The following DPP6 variants were observed in gnomAD, a reference collection of about 807,000 sequenced individuals.
The protein encoded by DPP6 is dipeptidyl peptidase like 6.
A neutral mutation model predicts 122.6 loss-of-function variants in DPP6; 69 were observed. The ratio of observed to expected loss-of-function variants is 0.56; its 90% CI spans 0.46 to 0.69. The LOEUF (loss-of-function observed/expected upper bound fraction) is 0.69. Ranked by LOEUF, DPP6 falls within the 30% of genes least tolerant of loss-of-function variation. The pLI, the probability that DPP6 is intolerant of heterozygous loss-of-function variation, is 0.00. For missense variants in DPP6, 928 were observed against 1,116.9 expected, an observed-to-expected ratio of 0.83 and a Z score of 2.41; for synonymous variants, 418 against 433.1, an observed-to-expected ratio of 0.97 and a Z score of 0.43.
intron 7 of DPP6, among the ~76,000 whole-genome samples, chr7:154,723,303 T>C (rs1352603586): frequency 6.6e-6 from 1 of 152,178 alleles, no homozygotes; most frequent in Admixed American, 6.5e-5. Flanking sequence ...AAATACACTC[T>C]TCTTTATAGC....
chr7:154,246,440 C>T (rs946213778), intron 1 of DPP6, among the ~76,000 whole-genome samples: 8 of 151,828 alleles, frequency 5.3e-5, no homozygotes, highest in South Asian at 2.1e-4. Context: ...TGAAGAGATT[C>T]GATATTATCA....
At chr7:154,306,067 C>G (rs551004256) in intron 1 of DPP6, among the ~76,000 whole-genome samples, 2 of 152,278 alleles carry the variant, frequency 1.3e-5, no homozygotes, top group East Asian at 3.9e-4. Context: ...ACCTCGTGGC[C>G]CTTTCCTCCT....
At chr7:154,501,896 A>G (rs1395348047) in intron 3 of DPP6, among the ~76,000 whole-genome samples, 2 of 152,064 alleles carry the variant, frequency 1.3e-5, no homozygotes, top group Admixed American at 6.5e-5. Flanking sequence ...ACTCAAGGCC[A>G]GTCCATGAAA....
intron 5 of DPP6, chr7:154,587,884 C>T: frequency 6.2e-7 from 1 of 1,612,882 alleles, no homozygotes; most frequent in Non-Finnish European, 8.5e-7. Flanking sequence ...TCCATGGAGA[C>T]CCTGGCTGGA....
At chr7:154,293,852 G>A (rs1172022500) in intron 1 of DPP6, among the ~76,000 whole-genome samples, 1 of 152,116 alleles carries the variant, frequency 6.6e-6, no homozygotes, top group Non-Finnish European at 1.5e-5. Flanking sequence ...GTGACACTCA[G>A]GTTTTCCAAA....
chr7:154,525,406 C>A (rs1187758092), intron 3 of DPP6, among the ~76,000 whole-genome samples: 1 of 152,202 alleles, frequency 6.6e-6, no homozygotes, highest in Admixed American at 6.5e-5. Flanking sequence ...TATTCTCCTA[C>A]CTTGGCCTCC....
chr7:154,790,184 C>T (rs1029695012), intron 10 of DPP6, among the ~76,000 whole-genome samples: 12 of 152,104 alleles, frequency 7.9e-5, no homozygotes, highest in Admixed American at 5.9e-4. Context: ...GGCAACAGAG[C>T]GAGACTCCGT....
chr7:154,522,967 C>A (rs1563800590), intron 3 of DPP6, among the ~76,000 whole-genome samples: 1 of 152,170 alleles, frequency 6.6e-6, no homozygotes, highest in Non-Finnish European at 1.5e-5. Context: ...CCCCAAAACC[C>A]ACCTCTGGGG....
At chr7:153,888,672 T>A (rs1334134304) in intron 1 of DPP6, among the ~76,000 whole-genome samples, 1 of 151,376 alleles carries the variant, frequency 6.6e-6, no homozygotes, top group East Asian at 2.0e-4. Context: ...AAGAATCCTC[T>A]GACGGTCCCT....
chr7:154,488,440 G>A (rs1007465574), intron 3 of DPP6, among the ~76,000 whole-genome samples: 4 of 149,676 alleles, frequency 2.7e-5, no homozygotes, highest in African/African-American at 5.1e-5. Flanking sequence ...TTGATAGAGC[G>A]AGACTCTGTC....
At chr7:154,512,859 C>T (rs1826197153) in intron 3 of DPP6, among the ~76,000 whole-genome samples, 1 of 152,080 alleles carries the variant, frequency 6.6e-6, no homozygotes, top group Non-Finnish European at 1.5e-5. Context: ...AGAATTCAGT[C>T]ATTAGACTAG....
intron 1 of DPP6, among the ~76,000 whole-genome samples, chr7:153,967,076 C>T (rs765046170): frequency 6.1e-5 from 9 of 146,834 alleles, no homozygotes; most frequent in Non-Finnish European, 1.0e-4. Context: ...CACAAACAAA[C>T]AAACAAACAC....
intron 1 of DPP6, among the ~76,000 whole-genome samples, chr7:153,962,090 G>C (rs997850240): frequency 6.6e-6 from 1 of 150,860 alleles, no homozygotes; most frequent in Non-Finnish European, 1.5e-5. Flanking sequence ...GCTGGGAAAG[G>C]CTGTCTTGTT....
At chr7:154,257,542 A>G (rs1802735463) in intron 1 of DPP6, among the ~76,000 whole-genome samples, 1 of 152,030 alleles carries the variant, frequency 6.6e-6, no homozygotes, top group South Asian at 2.1e-4. Flanking sequence ...TAAAAAATAC[A>G]AAAAAATTAG....
intron 1 of DPP6, among the ~76,000 whole-genome samples, chr7:154,219,591 T>A (rs1455761805): frequency 2.6e-5 from 4 of 152,126 alleles, no homozygotes; most frequent in African/African-American, 9.7e-5. Flanking sequence ...CTTTTTTTTT[T>A]TCTTTGAGAC....
chr7:154,679,279 C>G (rs57311877), intron 7 of DPP6, among the ~76,000 whole-genome samples: 34,919 of 152,156 alleles, frequency 0.23, 4,179 homozygotes, highest in African/African-American at 0.3. Flanking sequence ...CCCCTTGTAA[C>G]TATTCAGGAG....
intron 1 of DPP6, among the ~76,000 whole-genome samples, chr7:154,109,004 C>T (rs1372187368): frequency 1.3e-5 from 2 of 150,000 alleles, no homozygotes; most frequent in African/African-American, 4.9e-5. Flanking sequence ...AGGTTTGTTA[C>T]ATAGAGAAGC....
chr7:153,933,437 T>C (rs1325943466), intron 1 of DPP6, among the ~76,000 whole-genome samples: 2 of 152,198 alleles, frequency 1.3e-5, no homozygotes, highest in Admixed American at 6.5e-5. Flanking sequence ...TTATAATAAC[T>C]AGAAGGAAAA....
intron 1 of DPP6, among the ~76,000 whole-genome samples, chr7:154,431,376 C>T (rs559420271): frequency 3.9e-5 from 6 of 152,310 alleles, no homozygotes; most frequent in Admixed American, 1.3e-4. Context: ...CACTCCAGGC[C>T]CCCAGCTCCA....
Sources: allele counts gnomAD v4.1 joint callset (sites outside exome capture counted in the v4.1 genomes callset), GRCh38; gene constraint gnomAD v4.1.1; transcripts MANE v1.5; gene names NCBI Gene and HGNC (gene_info 2026-07-23, HGNC 2026-07-21).